The following UGT1A8 variants were observed in gnomAD, a reference collection of about 807,000 sequenced individuals.
UGT1A8 encodes UDP glucuronosyltransferase family 1 member A8, also known as UDP-glucuronosyltransferase 1A8.
Under a neutral mutation model 45.3 loss-of-function variants are expected in UGT1A8, and 39 were observed. That is an observed-to-expected ratio of 0.86 (90% CI 0.67 to 1.12). The LOEUF (loss-of-function observed/expected upper bound fraction) is 1.12. Among genes scored for constraint, UGT1A8 ranks in the 50% most tolerant of loss-of-function variants. The pLI, the probability that UGT1A8 is intolerant of heterozygous loss-of-function variation, is 0.00. For missense variants in UGT1A8, 719 were observed against 664.9 expected (o/e 1.08, Z -0.90); for synonymous variants, 275 against 249.2 (o/e 1.10, Z -0.97).
chr2:233,688,273 T>C (rs192394276), intron 1 of UGT1A8, among the ~76,000 whole-genome samples: 3 of 152,394 alleles, frequency 2.0e-5, no homozygotes, highest in Non-Finnish European at 4.4e-5. Flanking sequence ...GAATATTCCA[T>C]TGTATGGATT....
chr2:233,620,998 G>A (rs2072993761), intron 1 of UGT1A8, among the ~76,000 whole-genome samples: 1 of 152,072 alleles, frequency 6.6e-6, no homozygotes, highest in Non-Finnish European at 1.5e-5. Context: ...GTGTGTTTGC[G>A]TGCAGTGTCC....
intron 1 of UGT1A8, chr2:233,690,553 C>G: frequency 1.6e-6 from 2 of 1,289,576 alleles, no homozygotes; most frequent in Non-Finnish European, 2.0e-6. Context: ...GAATATGTCC[C>G]AAGCCTGAGT....
intron 1 of UGT1A8, among the ~76,000 whole-genome samples, chr2:233,664,616 T>A (rs1387521327): frequency 6.6e-6 from 1 of 151,762 alleles, no homozygotes; most frequent in Non-Finnish European, 1.5e-5. Flanking sequence ...CAAGAGAGAG[T>A]TGGTGGGGGA....
At chr2:233,681,880 C>T (rs924708101) in intron 1 of UGT1A8, 121 of 1,550,920 alleles carry the variant, frequency 7.8e-5, no homozygotes, top group South Asian at 5.5e-4. Context: ...ACTTCTTCCA[C>T]TTACTATATT....
chr2:233,732,318 G>A (rs1386419482), intron 1 of UGT1A8, among the ~76,000 whole-genome samples: 3 of 152,170 alleles, frequency 2.0e-5, no homozygotes, highest in African/African-American at 7.2e-5. Flanking sequence ...GTCTATTTTG[G>A]CTTTTGTTGC....
chr2:233,691,501 C>T (rs1209738055), intron 1 of UGT1A8: 3 of 985,626 alleles, frequency 3.0e-6, no homozygotes, highest in South Asian at 4.7e-5. Context: ...AACAGGAACT[C>T]GCGTGCCAGC....
intron 1 of UGT1A8, chr2:233,672,583 C>T: frequency 1.2e-6 from 2 of 1,613,952 alleles, no homozygotes; most frequent in South Asian, 1.1e-5. Context: ...CTTGGAGGAA[C>T]ATTTATTATG....
At chr2:233,643,890 C>A (rs2073528872) in intron 1 of UGT1A8, among the ~76,000 whole-genome samples, 1 of 152,078 alleles carries the variant, frequency 6.6e-6, no homozygotes, top group African/African-American at 2.4e-5. Context: ...TGACCAGTGC[C>A]CTATCCTGCT....
chr2:233,678,848 T>C (rs1367191692), intron 1 of UGT1A8, among the ~76,000 whole-genome samples: 1 of 152,224 alleles, frequency 6.6e-6, no homozygotes. Context: ...CCCCAACATT[T>C]TGTTGCTGTA....
intron 1 of UGT1A8, among the ~76,000 whole-genome samples, chr2:233,702,811 A>G (rs1473655443): frequency 6.6e-6 from 1 of 152,162 alleles, no homozygotes; most frequent in Non-Finnish European, 1.5e-5. Context: ...GAATAATCCC[A>G]CTTGATTGTG....
chr2:233,651,622 T>C (rs1171289785), intron 1 of UGT1A8, among the ~76,000 whole-genome samples: 1 of 152,210 alleles, frequency 6.6e-6, no homozygotes, highest in African/African-American at 2.4e-5. Flanking sequence ...TGAACTGTCA[T>C]TGAAAGACCT....
intron 1 of UGT1A8, among the ~76,000 whole-genome samples, chr2:233,716,269 C>G (rs1283038441): frequency 1.3e-5 from 2 of 152,168 alleles, no homozygotes; most frequent in Non-Finnish European, 2.9e-5. Flanking sequence ...CTCCCCATGT[C>G]AAAACCCTTA....
intron 1 of UGT1A8, among the ~76,000 whole-genome samples, chr2:233,643,752 A>G (rs1339852215): frequency 6.6e-6 from 1 of 152,094 alleles, no homozygotes; most frequent in African/African-American, 2.4e-5. Flanking sequence ...AGGTCTCTTC[A>G]GTTAGCAGGC....
At chr2:233,713,138 G>T (rs753871977) in intron 1 of UGT1A8, 31 of 1,614,080 alleles carry the variant, frequency 1.9e-5, no homozygotes, top group Non-Finnish European at 2.5e-5. Flanking sequence ...AGGCCTTGCG[G>T]GACCTCCATG....
chr2:233,617,711 G>T lies in UGT1A8; in HGVS notation c.4G>T (p.Ala2Ser). The T allele has an allele frequency of 6.2e-7, 1 of 1,612,334 alleles. No homozygotes were observed. Among genetic ancestry groups the T allele is most frequent in the Non-Finnish European group, 8.5e-7 (1 of 1,179,064 alleles). ...TGGCTCGGGCTGCAGTTCTCTCATG[G>T]CTCGCACAGGGTGGACCAGCCCCAT... is the stretch of plus-strand genomic sequence containing the variant. M[A>S]RTGWTSPIPL... The change falls in exon 1 of 5, where the codon GCT becomes TCT. Residue 2 changes from alanine (A) to serine (S), a missense_variant. By Grantham distance (99) the Ala-to-Ser change is moderately conservative. Coordinates refer to ENST00000373450, the MANE Select transcript of UGT1A8 (RefSeq NM_019076.5).
At chr2:233,654,829 C>A (rs528579542) in intron 1 of UGT1A8, among the ~76,000 whole-genome samples, 2 of 152,294 alleles carry the variant, frequency 1.3e-5, no homozygotes, top group South Asian at 2.1e-4. Flanking sequence ...CAGTGGCTCA[C>A]GCCTGTAATC....
chr2:233,743,547 C>A (rs201114978), intron 1 of UGT1A8: 1 of 1,367,292 alleles, frequency 7.3e-7, no homozygotes, highest in South Asian at 1.1e-5. Flanking sequence ...TCTGACCCCC[C>A]CAAAATATTC....
chr2:233,635,583 A>C (rs1307340927), intron 1 of UGT1A8, among the ~76,000 whole-genome samples: 8 of 150,746 alleles, frequency 5.3e-5, no homozygotes, highest in African/African-American at 2.0e-4. Flanking sequence ...ACTGGGGATT[A>C]TATTTGACCA....
intron 1 of UGT1A8, chr2:233,747,208 G>A (rs1315527949): frequency 4.4e-6 from 7 of 1,605,016 alleles, no homozygotes; most frequent in Non-Finnish European, 5.1e-6. Flanking sequence ...CGTGTCTTCT[G>A]CTGAGATGGC....
Sources: gnomAD v4.1 joint callset for allele counts (sites outside exome capture counted in the v4.1 genomes callset) on GRCh38, gnomAD v4.1.1 for gene constraint, MANE v1.5 for transcripts, NCBI Gene and HGNC (gene_info 2026-07-23, HGNC 2026-07-21) for gene names.